MAP7: variants seen among roughly 807,000 people sequenced by gnomAD.
MAP7 encodes microtubule associated protein 7, also known as ensconsin.
MAP7 carries 52 observed loss-of-function variants against 94.8 expected under a neutral mutation model. The ratio of observed to expected loss-of-function variants is 0.55; its 90% CI spans 0.44 to 0.69. MAP7 has a LOEUF of 0.69. Ranked by LOEUF, MAP7 falls within the 30% of genes least tolerant of loss-of-function variation. The probability of loss-of-function intolerance (pLI) is 0.00; values close to 1 mark genes in which losing one functional copy is unlikely to be tolerated. For synonymous variants in MAP7, 350 were observed against 357.0 expected (o/e 0.98, Z 0.22); for missense variants, 940 against 964.6 (o/e 0.97, Z 0.34).
chr6:136,483,061 GGTTT>G (rs1028133509), intron 1 of MAP7, among the ~76,000 whole-genome samples: 9 of 149,892 alleles, frequency 6.0e-5, no homozygotes, highest in African/African-American at 2.0e-4. Flanking sequence ...TTTTGTTGTG[GGTTT>G]GTTTTAGTTG....
At chr6:136,476,993 C>T (rs1287389557) in intron 1 of MAP7, among the ~76,000 whole-genome samples, 1 of 152,092 alleles carries the variant, frequency 6.6e-6, no homozygotes, top group African/African-American at 2.4e-5. Context: ...CTAATTGATC[C>T]AGGCAAGAAT....
chr6:136,434,809 G>C (rs1795935658), intron 1 of MAP7, among the ~76,000 whole-genome samples: 1 of 152,216 alleles, frequency 6.6e-6, no homozygotes, highest in Non-Finnish European at 1.5e-5. Context: ...CACAAAGTGT[G>C]CTATGTGGCA....
chr6:136,395,560 A>G (rs1030357727), intron 3 of MAP7, among the ~76,000 whole-genome samples: 1 of 151,920 alleles, frequency 6.6e-6, no homozygotes, highest in Non-Finnish European at 1.5e-5. Flanking sequence ...TTTTGGCTTC[A>G]TGTAATCCTA....
At chr6:136,521,997 T>A (rs529463556) in intron 1 of MAP7, among the ~76,000 whole-genome samples, 1 of 152,330 alleles carries the variant, frequency 6.6e-6, no homozygotes, top group African/African-American at 2.4e-5. Context: ...TTGCATTACT[T>A]CCACAAAACC....
Position 136,511,151 on chromosome 6 carries a change from G to C in MAP7, c.67+39191C>G, listed in dbSNP as rs545869461. ...TGTGAGAAAATCTGGCTGATGATTA[G>C]AAGTGTTGATATAAGAGGTCAGTTT... On this transcript the variant is annotated intron_variant, in intron 1 of 17. Transcript: ENST00000354570. 3.3e-5 allele frequency among the ~76,000 whole-genome samples: 5 copies of C among 152,274 alleles called. No individual in the cohort carries two copies. In the South Asian group the frequency reaches 1.0e-3, roughly 32 times the overall value.
chr6:136,481,372 C>T (rs1009591205), intron 1 of MAP7, among the ~76,000 whole-genome samples: 10 of 152,104 alleles, frequency 6.6e-5, no homozygotes, highest in African/African-American at 1.4e-4. Flanking sequence ...ACCTAAGTGT[C>T]GATCAACAGA....
At chr6:136,382,499 A>G (rs1778077524) in intron 6 of MAP7, among the ~76,000 whole-genome samples, 1 of 152,202 alleles carries the variant, frequency 6.6e-6, no homozygotes, top group Non-Finnish European at 1.5e-5. Context: ...AAGAATATGA[A>G]AGAAATTTAA....
At chr6:136,443,320 A>G (rs1326524034) in intron 1 of MAP7, among the ~76,000 whole-genome samples, 3 of 152,198 alleles carry the variant, frequency 2.0e-5, no homozygotes, top group Non-Finnish European at 4.4e-5. Flanking sequence ...TCCTCATCCA[A>G]ATTTACAAAC....
At chr6:136,472,989 C>G (rs1424235276) in intron 1 of MAP7, among the ~76,000 whole-genome samples, 3 of 152,168 alleles carry the variant, frequency 2.0e-5, no homozygotes, top group Non-Finnish European at 2.9e-5. Context: ...TCCCAGATAT[C>G]CCATGGTTTT....
At chr6:136,442,942 T>C (rs1170980572) in intron 1 of MAP7, among the ~76,000 whole-genome samples, 1 of 152,170 alleles carries the variant, frequency 6.6e-6, no homozygotes, top group East Asian at 1.9e-4. Context: ...TATTTTTAAA[T>C]GCATAAATCA....
intron 1 of MAP7, among the ~76,000 whole-genome samples, chr6:136,486,764 A>G (rs1214080655): frequency 6.6e-6 from 1 of 152,208 alleles, no homozygotes; most frequent in Non-Finnish European, 1.5e-5. Context: ...GATCTGATTG[A>G]ACCACCTAAG....
chr6:136,397,395 C>A (rs1047286360), intron 3 of MAP7, among the ~76,000 whole-genome samples: 1 of 151,562 alleles, frequency 6.6e-6, no homozygotes, highest in South Asian at 2.1e-4. Flanking sequence ...TAAAATATTC[C>A]CTATGGATAA....
chr6:136,398,689 T>A (rs1033767878), intron 3 of MAP7, among the ~76,000 whole-genome samples: 4 of 152,338 alleles, frequency 2.6e-5, no homozygotes, highest in African/African-American at 7.2e-5. Context: ...GCCCTTTGCC[T>A]CCTGCTACGA....
At chr6:136,441,605 C>T (rs1797882052) in intron 1 of MAP7, among the ~76,000 whole-genome samples, 2 of 152,134 alleles carry the variant, frequency 1.3e-5, no homozygotes, top group African/African-American at 4.8e-5. Context: ...AAGCTATTAG[C>T]CCCTTAAGCT....
chr6:136,479,834 C>T (rs998467726), intron 1 of MAP7, among the ~76,000 whole-genome samples: 1 of 151,846 alleles, frequency 6.6e-6, no homozygotes, highest in Non-Finnish European at 1.5e-5. Flanking sequence ...AACACTGATG[C>T]CAGAAATCGA....
intron 8 of MAP7, among the ~76,000 whole-genome samples, chr6:136,367,243 A>G (rs1794567526): frequency 6.6e-6 from 1 of 152,202 alleles, no homozygotes; most frequent in Non-Finnish European, 1.5e-5. Context: ...CAAAACAAAC[A>G]AACAAAAATT....
chr6:136,479,949 C>A (rs1451258954), intron 1 of MAP7, among the ~76,000 whole-genome samples: 1 of 152,118 alleles, frequency 6.6e-6, no homozygotes, highest in East Asian at 1.9e-4. Context: ...CAATGCAATT[C>A]CTATCAAAAT....
chr6:136,517,655 T>TA (rs1258514673), intron 1 of MAP7, among the ~76,000 whole-genome samples: 2 of 152,214 alleles, frequency 1.3e-5, no homozygotes, highest in Non-Finnish European at 2.9e-5. Flanking sequence ...GTAATGTGCA[T>TA]ATTTCCATAT....
At chr6:136,462,553 CT>C (rs1805584917) in intron 1 of MAP7, among the ~76,000 whole-genome samples, 1 of 152,210 alleles carries the variant, frequency 6.6e-6, no homozygotes, top group Non-Finnish European at 1.5e-5. Flanking sequence ...TGACATGCCC[CT>C]GCCAGTGCTC....
Sources: gnomAD v4.1 joint callset for allele counts (sites outside exome capture counted in the v4.1 genomes callset) on GRCh38, gnomAD v4.1.1 for gene constraint, MANE v1.5 for transcripts, NCBI Gene and HGNC (gene_info 2026-07-23, HGNC 2026-07-21) for gene names.